The following THSD7B variants were observed in gnomAD, a reference collection of about 807,000 sequenced individuals.
The protein encoded by THSD7B is thrombospondin type 1 domain containing 7B, also known as thrombospondin type-1 domain-containing protein 7B.
A neutral mutation model predicts 213.6 loss-of-function variants in THSD7B; 138 were observed. The ratio of observed to expected loss-of-function variants is 0.65; its 90% confidence interval spans 0.56 to 0.74. The LOEUF is 0.74. Among genes scored for constraint, THSD7B ranks in the 30% least tolerant of loss-of-function variants. The pLI is 0.00. For synonymous variants in THSD7B, 742 were observed against 687.0 expected (o/e 1.08, Z -1.25); for missense variants, 1,931 against 1,991.5 (o/e 0.97, Z 0.58).
intron 2 of THSD7B, among the ~76,000 whole-genome samples, chr2:136,897,836 C>T (rs534442): frequency 0.44 from 66,334 of 150,678 alleles, 15,905 homozygotes; most frequent in Non-Finnish European, 0.55. Flanking sequence ...AGACACAGAA[C>T]GCTGTTTGGT....
chr2:137,606,811 A>AGG (rs1558857626), intron 17 of THSD7B, among the ~76,000 whole-genome samples: 3 of 152,076 alleles, frequency 2.0e-5, no homozygotes, highest in Middle Eastern at 3.4e-3. Flanking sequence ...GGAGGAGGAG[A>AGG]AGGAAAGGAA....
intron 12 of THSD7B, among the ~76,000 whole-genome samples, chr2:137,319,223 CTTTT>C (rs756553883): frequency 7.2e-6 from 1 of 137,966 alleles, no homozygotes. Flanking sequence ...GTATATATTT[CTTTT>C]TTTTTTTTTT....
intron 15 of THSD7B, among the ~76,000 whole-genome samples, chr2:137,488,784 T>TA (rs2105118732): frequency 6.6e-6 from 1 of 152,324 alleles, no homozygotes; most frequent in South Asian, 2.1e-4. Context: ...AATTTGAAAT[T>TA]ACCAAATGTT....
chr2:136,810,559 T>G lies in THSD7B; in HGVS notation c.-36+44872T>G, dbSNP rs779344720. On this transcript the variant is annotated intron_variant, in intron 1 of 27. Transcript: ENST00000409968. ...TGCAGTGCTGAAATGGTGTGCTTTC[T>G]CTGAGAAAGTCTTAATCAAGCTGGT... 1.1e-3 allele frequency among the ~76,000 whole-genome samples: 160 copies of G among 152,362 alleles called. 1 individual carries two copies. The highest frequency in any genetic ancestry group is 2.5e-3 in the Admixed American group (38 of 15,302).
chr2:137,079,296 A>C (rs1324731444), intron 3 of THSD7B, among the ~76,000 whole-genome samples: 1 of 151,902 alleles, frequency 6.6e-6, no homozygotes, highest in African/African-American at 2.4e-5. Flanking sequence ...ATTTTTCTTC[A>C]GTTGGCCTAT....
chr2:136,790,758 A>G (rs1482217876), intron 1 of THSD7B, among the ~76,000 whole-genome samples: 1 of 152,158 alleles, frequency 6.6e-6, no homozygotes, highest in Non-Finnish European at 1.5e-5. Context: ...CAACAAAAAG[A>G]GCAAATAAAA....
intron 12 of THSD7B, among the ~76,000 whole-genome samples, chr2:137,393,742 G>T (rs377624471): frequency 0.17 from 21,485 of 127,668 alleles, 5,033 homozygotes; most frequent in African/African-American, 0.31. Flanking sequence ...CCACACTGAC[G>T]TCCACAATGG....
chr2:137,009,184 G>A (rs1686176920), intron 2 of THSD7B, among the ~76,000 whole-genome samples: 1 of 152,188 alleles, frequency 6.6e-6, no homozygotes, highest in Admixed American at 6.5e-5. Context: ...TCTTTCAGGA[G>A]TTGCTTTCCC....
intron 14 of THSD7B, among the ~76,000 whole-genome samples, chr2:137,412,504 G>A (rs1686681942): frequency 9.5e-6 from 1 of 105,080 alleles, no homozygotes; most frequent in South Asian, 3.4e-4. Flanking sequence ...GGAGGCTGCG[G>A]CAGAATTGCT....
At chr2:137,021,540 TTAAAC>T (rs1187604555) in intron 2 of THSD7B, among the ~76,000 whole-genome samples, 1 of 152,224 alleles carries the variant, frequency 6.6e-6, no homozygotes, top group Non-Finnish European at 1.5e-5. Flanking sequence ...ACTTAAAAAA[TTAAAC>T]TATTTATTTT....
chr2:137,630,392 G>C (rs1025142131), intron 20 of THSD7B, among the ~76,000 whole-genome samples: 5 of 152,186 alleles, frequency 3.3e-5, no homozygotes, highest in African/African-American at 1.2e-4. Flanking sequence ...CTGTGCCAAG[G>C]CAGCCTCTGT....
chr2:137,589,278 G>GA lies in THSD7B; in HGVS notation c.3423+16728dup, dbSNP rs1681812492. On this transcript the variant is annotated intron_variant, in intron 17 of 27. Transcript: ENST00000409968. ...TTTTATTTAATCCATATTCTACTTA[G>GA]AAAAAATTTTACCTAATTCTATTAA... Among the ~76,000 whole-genome samples, 4 of 151,918 alleles carry GA rather than the reference G, an allele frequency of 2.6e-5. No homozygotes were observed. In the South Asian group the frequency reaches 8.3e-4, roughly 32 times the overall value.
At chr2:137,363,337 A>G in intron 12 of THSD7B, among the ~76,000 whole-genome samples, 1 of 152,194 alleles carries the variant, frequency 6.6e-6, no homozygotes, top group Non-Finnish European at 1.5e-5. Context: ...CTAGAGAAGC[A>G]AGAGCAAACA....
At chr2:136,794,594 TTGCTTTATGACCAAATGCA>T (rs1682027545) in intron 1 of THSD7B, among the ~76,000 whole-genome samples, 1 of 151,970 alleles carries the variant, frequency 6.6e-6, no homozygotes, top group South Asian at 2.1e-4. Context: ...ATTCATTGTT[TTGCTTTATGACCAAATGCA>T]TGCTTTATTT....
At position 136,823,607 on chromosome 2, in the gene THSD7B, A is replaced by G. The variant is rs543833887; in HGVS notation, c.-36+57920A>G. On this transcript the variant is annotated intron_variant, in intron 1 of 27. Transcript: ENST00000409968. Reference sequence around the variant, plus strand: ...ATATTTAAAACTTTTACTTTTCATGACATTCCCATTTGCTCTGAATTCTGC... The same window carrying G: ...ATATTTAAAACTTTTACTTTTCATGGCATTCCCATTTGCTCTGAATTCTGC... Among the ~76,000 whole-genome samples, 5 of 152,150 alleles carry G rather than the reference A, an allele frequency of 3.3e-5. No homozygotes were observed. The South Asian group carries it at 6.2e-4, about 19-fold the overall frequency.
chr2:137,309,470 C>A (rs1465351097), intron 12 of THSD7B, among the ~76,000 whole-genome samples: 1 of 150,682 alleles, frequency 6.6e-6, no homozygotes, highest in Non-Finnish European at 1.5e-5. Context: ...AATTATTGGA[C>A]AAAGTTCAGA....
rs1215979618 is a variant in THSD7B, at chr2:137,482,684, GT to G, written c.3138+31673del. Among the ~76,000 whole-genome samples, 746 of 135,492 alleles carry G rather than the reference GT, an allele frequency of 5.5e-3. 8 individuals carry two copies. The highest frequency in any genetic ancestry group is 0.021 in the African/African-American group (681 of 32,010). 88.9% of individuals were successfully genotyped at this position (135,492 alleles called of 152,430 possible). ...GCTCAATAGCCACCTAAAGAAAACT[GT>G]TTTTTTTTTTTCCCTTGGAGCCACC... On this transcript the variant is annotated intron_variant, in intron 15 of 27. Transcript: ENST00000409968.
At chr2:137,426,592 A>G (rs1687060518) in intron 14 of THSD7B, among the ~76,000 whole-genome samples, 1 of 152,170 alleles carries the variant, frequency 6.6e-6, no homozygotes. Context: ...TCTTTGATAA[A>G]TGGTATTGGA....
At chr2:137,333,237 G>A (rs1432291404) in intron 12 of THSD7B, among the ~76,000 whole-genome samples, 1 of 151,352 alleles carries the variant, frequency 6.6e-6, no homozygotes, top group African/African-American at 2.4e-5. Flanking sequence ...CTCCTGGGAG[G>A]ACGCAAATTG....
Sources: allele counts gnomAD v4.1 joint callset (sites outside exome capture counted in the v4.1 genomes callset), GRCh38; gene constraint gnomAD v4.1.1; transcripts MANE v1.5; gene names NCBI Gene and HGNC (gene_info 2026-07-23, HGNC 2026-07-21).